The following IMPG1 variants were observed in gnomAD, a reference collection of about 807,000 sequenced individuals.
IMPG1 encodes the protein interphotoreceptor matrix proteoglycan of 150 kDa.
Under a neutral mutation model 92.0 loss-of-function variants are expected in IMPG1, and 85 were observed. That is an observed-to-expected ratio of 0.92 (90% confidence interval 0.78 to 1.11). The LOEUF is 1.11. Ranked by LOEUF, IMPG1 falls within the 50% of genes least tolerant of loss-of-function variation. IMPG1 has a pLI of 0.00. For synonymous variants in IMPG1, 367 were observed against 334.1 expected, an observed-to-expected ratio of 1.10 and a Z score of -1.08; for missense variants, 1,022 against 956.0, an observed-to-expected ratio of 1.07 and a Z score of -0.91.
chr6:75,975,076 C>T (rs1782512293), intron 12 of IMPG1, among the ~76,000 whole-genome samples: 1 of 152,198 alleles, frequency 6.6e-6, no homozygotes, highest in African/African-American at 2.4e-5. Flanking sequence ...GTGCCTGTGC[C>T]AGGAACATAT....
At position 76,005,286 on chromosome 6, in the gene IMPG1, C is replaced by A. The variant is rs948462298; in HGVS notation, c.1135+1G>T. 6.2e-6 allele frequency: 10 copies of A among 1,613,632 alleles called. No homozygotes were observed. The highest frequency in any genetic ancestry group is 1.3e-5 in the African/African-American group (1 of 74,918). On this transcript the variant is annotated splice_donor_variant, in intron 10 of 16. Coordinates refer to ENST00000369950, the MANE Select transcript of IMPG1 (RefSeq NM_001563.4). LOFTEE classifies it high-confidence loss of function. ...TCAGAACTAAGCAATCATTAACTGA[C>A]CATCAGTGAACTGAATTGTCCCCAC...
chr6:75,953,296 C>T (rs969674863), intron 12 of IMPG1, among the ~76,000 whole-genome samples: 11 of 152,130 alleles, frequency 7.2e-5, no homozygotes, highest in Non-Finnish European at 1.5e-4. Context: ...ACTTTAAGTT[C>T]GAGGATACAT....
At chr6:76,058,551 A>C (rs1260761687) in intron 1 of IMPG1, among the ~76,000 whole-genome samples, 1 of 152,180 alleles carries the variant, frequency 6.6e-6, no homozygotes, top group Non-Finnish European at 1.5e-5. Flanking sequence ...CCAACGTAAC[A>C]AAATTAGTAA....
At chr6:76,059,402 C>T (rs949775546) in intron 1 of IMPG1, among the ~76,000 whole-genome samples, 21 of 149,958 alleles carry the variant, frequency 1.4e-4, no homozygotes, top group Admixed American at 1.1e-3. Context: ...GACGTTACAC[C>T]TTTTTTTTTT....
chr6:76,065,775 C>T (rs1245654631), intron 1 of IMPG1, among the ~76,000 whole-genome samples: 1 of 152,016 alleles, frequency 6.6e-6, no homozygotes, highest in Non-Finnish European at 1.5e-5. Flanking sequence ...GATATATAGT[C>T]ATCAGATTAT....
At chr6:75,978,440 A>T (rs1782573728) in intron 12 of IMPG1, among the ~76,000 whole-genome samples, 1 of 152,112 alleles carries the variant, frequency 6.6e-6, no homozygotes, top group African/African-American at 2.4e-5. Flanking sequence ...ATTTGTATCT[A>T]TTAATGCCCC....
chr6:75,989,126 T>C (rs1325354571), intron 12 of IMPG1, among the ~76,000 whole-genome samples: 1 of 152,186 alleles, frequency 6.6e-6, no homozygotes, highest in Admixed American at 6.5e-5. Flanking sequence ...TCTCACACTG[T>C]TGCCCAGGCT....
chr6:76,044,871 G>C (rs1783909495), intron 1 of IMPG1, among the ~76,000 whole-genome samples: 1 of 152,156 alleles, frequency 6.6e-6, no homozygotes, highest in African/African-American at 2.4e-5. Context: ...TTCACTGACA[G>C]GGATCCTATT....
At chr6:75,967,730 A>G (rs1385317922) in intron 12 of IMPG1, among the ~76,000 whole-genome samples, 1 of 152,244 alleles carries the variant, frequency 6.6e-6, no homozygotes, top group Non-Finnish European at 1.5e-5. Flanking sequence ...GAAGCCATAC[A>G]GAAATTGCCA....
At chr6:76,011,559 CTT>C (rs1047317001) in intron 7 of IMPG1, among the ~76,000 whole-genome samples, 1 of 151,278 alleles carries the variant, frequency 6.6e-6, no homozygotes, top group African/African-American at 2.4e-5. Flanking sequence ...TTGAAGGAAA[CTT>C]TTTTATTTTA....
intron 12 of IMPG1, among the ~76,000 whole-genome samples, chr6:75,959,866 G>A (rs1445114993): frequency 6.6e-6 from 1 of 152,152 alleles, no homozygotes; most frequent in African/African-American, 2.4e-5. Context: ...TTTTCCAGGG[G>A]AGTGAACAGT....
chr6:76,062,497 C>T (rs947744926), intron 1 of IMPG1, among the ~76,000 whole-genome samples: 11 of 152,092 alleles, frequency 7.2e-5, no homozygotes, highest in Admixed American at 5.9e-4. Flanking sequence ...AATACACATA[C>T]CTAGAAAAAG....
chr6:75,937,442 A>G (rs1357814790), intron 14 of IMPG1, among the ~76,000 whole-genome samples: 1 of 151,906 alleles, frequency 6.6e-6, no homozygotes, highest in African/African-American at 2.4e-5. Context: ...CCTTTTTGTA[A>G]AGAAGTTATA....
intron 2 of IMPG1, 112 bp downstream of exon 2, chr6:76,041,781 C>T: frequency 1.5e-6 from 1 of 679,040 alleles, no homozygotes; most frequent in Non-Finnish European, 2.6e-6. Flanking sequence ...TTTTATAATT[C>T]TTGTGGCTAA....
intron 6 of IMPG1, among the ~76,000 whole-genome samples, chr6:76,021,159 C>T (rs947407474): frequency 1.3e-5 from 2 of 152,170 alleles, no homozygotes; most frequent in African/African-American, 2.4e-5. Flanking sequence ...TTATCTTAAC[C>T]GGAACATTTC....
intron 14 of IMPG1, chr6:75,935,119 C>A: frequency 2.3e-6 from 1 of 441,584 alleles, no homozygotes. Context: ...GCAAAAGAAG[C>A]AAGAGTAGAC....
intron 1 of IMPG1, among the ~76,000 whole-genome samples, chr6:76,042,915 T>A (rs1216588140): frequency 1.3e-5 from 2 of 152,196 alleles, no homozygotes; most frequent in Non-Finnish European, 2.9e-5. Flanking sequence ...TGAATTTTTA[T>A]ATGTATTACC....
chr6:75,934,195 A>C (rs894088405), intron 14 of IMPG1, among the ~76,000 whole-genome samples: 1 of 152,234 alleles, frequency 6.6e-6, no homozygotes, highest in African/African-American at 2.4e-5. Context: ...CAAAAGCTCA[A>C]ATCCATTGTC....
chr6:75,960,751 T>C (rs1367276138), intron 12 of IMPG1, among the ~76,000 whole-genome samples: 2 of 152,212 alleles, frequency 1.3e-5, no homozygotes, highest in African/African-American at 4.8e-5. Flanking sequence ...AGTCCAACAT[T>C]GTATTTTTGC....
Sources: gnomAD v4.1 joint callset for allele counts (sites outside exome capture counted in the v4.1 genomes callset) on GRCh38, gnomAD v4.1.1 for gene constraint, MANE v1.5 for transcripts, NCBI Gene and HGNC (gene_info 2026-07-23, HGNC 2026-07-21) for gene names.